Variants in SLC9A9 observed in about 807,000 individuals in gnomAD.
SLC9A9 encodes the protein solute carrier family 9 member A9.
SLC9A9 carries 62 observed loss-of-function variants against 77.8 expected under a neutral mutation model. The ratio of observed to expected loss-of-function variants is 0.80; its 90% CI spans 0.65 to 0.98. SLC9A9 has a LOEUF of 0.98. Among genes scored for constraint, SLC9A9 ranks in the 50% least tolerant of loss-of-function variants. The pLI is 0.00. For synonymous variants in SLC9A9, 320 were observed against 283.5 expected (o/e 1.13, Z -1.29); for missense variants, 775 against 774.9 (o/e 1.00, Z 0.00).
intron 11 of SLC9A9, among the ~76,000 whole-genome samples, chr3:143,487,691 A>AG (rs1416373328): frequency 6.6e-6 from 1 of 151,900 alleles, no homozygotes; most frequent in Admixed American, 6.5e-5. Flanking sequence ...GAAAATACTA[A>AG]GAGGTGAATG....
At chr3:143,698,598 G>C (rs1005751736) in intron 4 of SLC9A9, among the ~76,000 whole-genome samples, 6 of 152,092 alleles carry the variant, frequency 3.9e-5, no homozygotes, top group Non-Finnish European at 8.8e-5. Context: ...TTATAAAAAT[G>C]TTTCAATACA....
intron 5 of SLC9A9, among the ~76,000 whole-genome samples, chr3:143,661,129 T>A (rs2038972452): frequency 6.6e-6 from 1 of 152,090 alleles, no homozygotes; most frequent in Non-Finnish European, 1.5e-5. Context: ...AAGTCCAAAC[T>A]AGGATGGAAG....
chr3:143,821,998 T>C (rs578188496), intron 2 of SLC9A9, among the ~76,000 whole-genome samples: 6 of 152,306 alleles, frequency 3.9e-5, no homozygotes, highest in South Asian at 4.1e-4. Context: ...TCAGTCCCTT[T>C]AGGGATTGCC....
chr3:143,461,681 T>G (rs775458469), intron 12 of SLC9A9, among the ~76,000 whole-genome samples: 5 of 152,152 alleles, frequency 3.3e-5, no homozygotes, highest in Admixed American at 6.5e-5. Context: ...TCAGTCTAAC[T>G]CCACAGTATA....
chr3:143,461,466 C>T (rs1254994426), intron 12 of SLC9A9, among the ~76,000 whole-genome samples: 1 of 152,178 alleles, frequency 6.6e-6, no homozygotes, highest in Non-Finnish European at 1.5e-5. Context: ...TAGGTATCCT[C>T]TGGTACTGTT....
intron 2 of SLC9A9, among the ~76,000 whole-genome samples, chr3:143,815,571 C>A (rs2008986824): frequency 6.6e-6 from 1 of 151,842 alleles, no homozygotes; most frequent in African/African-American, 2.4e-5. Flanking sequence ...GTTTAAAACC[C>A]TGACCTAATA....
chr3:143,675,010 C>G (rs1164489387), intron 5 of SLC9A9, among the ~76,000 whole-genome samples: 1 of 152,092 alleles, frequency 6.6e-6, no homozygotes, highest in African/African-American at 2.4e-5. Flanking sequence ...GACCCTGGAC[C>G]TACGGAATCA....
Position 143,415,375 on chromosome 3 carries a change from G to A in SLC9A9, c.1470-33261C>T, listed in dbSNP as rs533593652. Among the ~76,000 whole-genome samples the A allele has an allele frequency of 3.2e-3, 483 of 152,310 alleles. 5 individuals are homozygous for A. The highest frequency in any genetic ancestry group is 2.4e-3 in the Non-Finnish European group (163 of 68,026). ...AGAGAAGCCAAAGCCTGGCTTCAAA[G>A]CTTTAAAGGACAGGCTGATTCTCTT... On this transcript the variant is annotated intron_variant, in intron 12 of 15. Transcript: ENST00000316549.
At chr3:143,667,681 C>T (rs1235466002) in intron 5 of SLC9A9, among the ~76,000 whole-genome samples, 1 of 152,154 alleles carries the variant, frequency 6.6e-6, no homozygotes, top group Admixed American at 6.5e-5. Context: ...ATGATATGAA[C>T]AGACACTTCT....
intron 11 of SLC9A9, among the ~76,000 whole-genome samples, chr3:143,478,423 G>C (rs1355708163): frequency 1.3e-5 from 2 of 152,110 alleles, no homozygotes; most frequent in African/African-American, 2.4e-5. Context: ...CCCAGTTCTC[G>C]AAGGTGCTTC....
chr3:143,777,940 T>C (rs553393012), intron 4 of SLC9A9, among the ~76,000 whole-genome samples: 7 of 148,698 alleles, frequency 4.7e-5, no homozygotes, highest in South Asian at 2.1e-4. Flanking sequence ...GTCTTGAACT[T>C]CTGACCTCAT....
chr3:143,817,903 C>T (rs1158055570), intron 2 of SLC9A9, among the ~76,000 whole-genome samples: 2 of 152,002 alleles, frequency 1.3e-5, no homozygotes, highest in Non-Finnish European at 2.9e-5. Context: ...TTAGAAACAA[C>T]TAAAAAATCA....
At chr3:143,800,648 G>T (rs867035000) in intron 2 of SLC9A9, among the ~76,000 whole-genome samples, 5 of 152,162 alleles carry the variant, frequency 3.3e-5, no homozygotes, top group South Asian at 2.1e-4. Context: ...CTGTGCTGCC[G>T]CAAGGCTTCA....
At chr3:143,468,977 T>C (rs1433507128) in intron 11 of SLC9A9, among the ~76,000 whole-genome samples, 4 of 152,152 alleles carry the variant, frequency 2.6e-5, no homozygotes, top group Admixed American at 2.6e-4. Context: ...CTGGCCAACA[T>C]GGTGAAACCC....
At chr3:143,413,594 G>A (rs1035571353) in intron 12 of SLC9A9, among the ~76,000 whole-genome samples, 1 of 152,160 alleles carries the variant, frequency 6.6e-6, no homozygotes, top group East Asian at 1.9e-4. Context: ...CTCTTCACCT[G>A]TCACCAGACC....
At chr3:143,753,612 G>A (rs908417672) in intron 4 of SLC9A9, among the ~76,000 whole-genome samples, 1 of 152,192 alleles carries the variant, frequency 6.6e-6, no homozygotes, top group African/African-American at 2.4e-5. Flanking sequence ...GTGCTGCAGG[G>A]ATGAATGCTG....
intron 12 of SLC9A9, among the ~76,000 whole-genome samples, chr3:143,427,653 C>A (rs1204382330): frequency 2.0e-5 from 3 of 152,196 alleles, no homozygotes; most frequent in Admixed American, 6.5e-5. Context: ...ACTGAGCTGG[C>A]ATTTCATCCT....
chr3:143,670,281 G>T (rs11921970), intron 5 of SLC9A9, among the ~76,000 whole-genome samples: 234 of 152,326 alleles, frequency 1.5e-3, no homozygotes, highest in African/African-American at 5.4e-3. Context: ...TGTGGAATGT[G>T]TATATTTTCC....
At chr3:143,709,581 A>G (rs908319346) in intron 4 of SLC9A9, among the ~76,000 whole-genome samples, 3 of 152,156 alleles carry the variant, frequency 2.0e-5, no homozygotes, top group Non-Finnish European at 4.4e-5. Context: ...CAGCACTTTG[A>G]ATTCACAAAT....
Sources: gnomAD v4.1 joint callset for allele counts (sites outside exome capture counted in the v4.1 genomes callset) on GRCh38, gnomAD v4.1.1 for gene constraint, MANE v1.5 for transcripts, NCBI Gene and HGNC (gene_info 2026-07-23, HGNC 2026-07-21) for gene names.